The following MAGI1 variants were observed in gnomAD, a reference collection of about 807,000 sequenced individuals.
The protein encoded by MAGI1 is membrane-associated guanylate kinase, WW and PDZ domain-containing protein 1.
Under a neutral mutation model 139.9 loss-of-function variants are expected in MAGI1, and 58 were observed. That is an observed-to-expected ratio of 0.41 (90% confidence interval 0.34 to 0.52). The LOEUF (loss-of-function observed/expected upper bound fraction) is 0.52, where lower values mean the gene tolerates loss of function less well. Among genes scored for constraint, MAGI1 ranks in the 20% least tolerant of loss-of-function variants. The pLI is 0.12. For synonymous variants in MAGI1, 812 were observed against 737.9 expected (o/e 1.10, Z -1.63); for missense variants, 1,874 against 1,901.6 (o/e 0.99, Z 0.27).
chr3:65,749,957 C>G (rs1384222600), intron 1 of MAGI1, among the ~76,000 whole-genome samples: 1 of 152,072 alleles, frequency 6.6e-6, no homozygotes, highest in Non-Finnish European at 1.5e-5. Flanking sequence ...AGCATTTAAA[C>G]TCAAAATGAT....
intron 1 of MAGI1, among the ~76,000 whole-genome samples, chr3:65,729,007 T>C (rs17435575): frequency 0.18 from 26,785 of 151,790 alleles, 2,688 homozygotes; most frequent in African/African-American, 0.23. Context: ...AATTTTGATC[T>C]GATTAAATCA....
intron 1 of MAGI1, among the ~76,000 whole-genome samples, chr3:65,973,083 G>A (rs2065084899): frequency 6.6e-6 from 1 of 152,048 alleles, no homozygotes. Context: ...CCAGGAGTTG[G>A]AGGCTGCAGT....
At chr3:65,647,240 A>G in intron 1 of MAGI1, among the ~76,000 whole-genome samples, 1 of 152,200 alleles carries the variant, frequency 6.6e-6, no homozygotes, top group East Asian at 1.9e-4. Flanking sequence ...GAACAAATCT[A>G]CAAACATACA....
At chr3:65,538,955 A>C (rs1480070193) in intron 2 of MAGI1, among the ~76,000 whole-genome samples, 1 of 118,212 alleles carries the variant, frequency 8.5e-6, no homozygotes, top group Non-Finnish European at 2.0e-5. Context: ...ACATGTACTA[A>C]CTACCATCAA....
chr3:65,807,266 T>C (rs902553823), intron 1 of MAGI1, among the ~76,000 whole-genome samples: 2 of 152,150 alleles, frequency 1.3e-5, no homozygotes, highest in African/African-American at 4.8e-5. Flanking sequence ...AGATCAACAT[T>C]CCAGCAGATG....
chr3:65,994,164 C>T (rs2066319591), intron 1 of MAGI1, among the ~76,000 whole-genome samples: 1 of 150,160 alleles, frequency 6.7e-6, no homozygotes, highest in Non-Finnish European at 1.5e-5. Context: ...ATCCTAGCTA[C>T]TTGGGAGACT....
intron 1 of MAGI1, among the ~76,000 whole-genome samples, chr3:65,836,800 AAGAG>A (rs757964797): frequency 6.6e-6 from 1 of 152,106 alleles, no homozygotes; most frequent in Non-Finnish European, 1.5e-5. Context: ...GAAAAAGAGA[AAGAG>A]AGAGAGAGAC....
At chr3:65,880,908 C>CGTGTGTGTGTGTGTGTGTGTGT (rs11271375) in intron 1 of MAGI1, among the ~76,000 whole-genome samples, 3,008 of 145,536 alleles carry the variant, frequency 0.021, 47 homozygotes, top group Middle Eastern at 0.032. Context: ...ATATCTCTGG[C>CGTGTGTGTGTGTGTGTGTGTGT]GTGTGTGTGT....
At chr3:65,496,002 A>G (rs1952407240) in intron 2 of MAGI1, among the ~76,000 whole-genome samples, 1 of 152,172 alleles carries the variant, frequency 6.6e-6, no homozygotes. Context: ...TGTCATCCTT[A>G]GAATGGTTTT....
chr3:65,677,185 G>A (rs1228746802), intron 1 of MAGI1, among the ~76,000 whole-genome samples: 2 of 152,130 alleles, frequency 1.3e-5, no homozygotes, highest in African/African-American at 4.8e-5. Flanking sequence ...AATAAGGTGA[G>A]GAGATAAACA....
chr3:66,006,500 T>C (rs554086253), intron 1 of MAGI1, among the ~76,000 whole-genome samples: 72 of 152,322 alleles, frequency 4.7e-4, no homozygotes, highest in African/African-American at 1.6e-3. Flanking sequence ...TATGGGTATG[T>C]ATATGTGTCT....
At chr3:65,369,523 T>C (rs1195747552) in intron 18 of MAGI1, among the ~76,000 whole-genome samples, 12 of 150,738 alleles carry the variant, frequency 8.0e-5, no homozygotes, top group Non-Finnish European at 1.3e-4. Flanking sequence ...TTTTTTTTTT[T>C]TTCTGGAGAC....
chr3:65,886,581 T>C (rs903708370), intron 1 of MAGI1, among the ~76,000 whole-genome samples: 1 of 152,172 alleles, frequency 6.6e-6, no homozygotes, highest in Non-Finnish European at 1.5e-5. Flanking sequence ...CAGTGTGTCA[T>C]TTCCAAGCCG....
chr3:65,447,165 C>A (rs140770767), intron 7 of MAGI1, among the ~76,000 whole-genome samples: 1,898 of 152,242 alleles, frequency 0.012, 18 homozygotes, highest in Non-Finnish European at 0.022. Context: ...TTCCATCAGC[C>A]GAGGCTTTCA....
chr3:66,023,686 A>G (rs2068081514), intron 1 of MAGI1, among the ~76,000 whole-genome samples: 1 of 152,234 alleles, frequency 6.6e-6, no homozygotes, highest in African/African-American at 2.4e-5. Context: ...AACAAGTTGT[A>G]TTATTAGGAA....
rs1469200228 is a variant in MAGI1 at position 66,038,027 on chromosome 3, C to T, written c.282G>A (p.Lys94=). ...YDVLGVIDSC[K]EAVTFKAVRQ... is the part of the protein sequence containing the mutation. ...TGACGGCCTTGAAGGTGACGGCCTC[C>T]TTGCAGCTGTCGATGACCCCCAGCA... Residue 94 remains lysine (K), a synonymous_variant, in exon 1 of 23, where the codon AAG becomes AAA. Transcript: ENST00000402939. The T allele has an allele frequency of 6.2e-7, 1 of 1,603,324 alleles. No individual in the cohort carries two copies.
At chr3:65,701,926 C>G (rs983841807) in intron 1 of MAGI1, among the ~76,000 whole-genome samples, 1 of 152,164 alleles carries the variant, frequency 6.6e-6, no homozygotes, top group Non-Finnish European at 1.5e-5. Context: ...TTTAGCTTAT[C>G]AAGCGCTATG....
At chr3:65,828,877 T>G (rs2042370463) in intron 1 of MAGI1, among the ~76,000 whole-genome samples, 1 of 152,162 alleles carries the variant, frequency 6.6e-6, no homozygotes, top group South Asian at 2.1e-4. Flanking sequence ...AACCCTGCTG[T>G]GGCTGGCTCT....
intron 13 of MAGI1, among the ~76,000 whole-genome samples, chr3:65,400,406 G>C (rs1437614041): frequency 6.6e-6 from 1 of 152,162 alleles, no homozygotes; most frequent in Non-Finnish European, 1.5e-5. Flanking sequence ...CAGGTGGAAA[G>C]AATTCAGCTG....
Sources: gnomAD v4.1 joint callset for allele counts (sites outside exome capture counted in the v4.1 genomes callset) on GRCh38, gnomAD v4.1.1 for gene constraint, MANE v1.5 for transcripts, NCBI Gene and HGNC (gene_info 2026-07-23, HGNC 2026-07-21) for gene names.